ANKRD11: variants seen among roughly 807,000 people sequenced by gnomAD.
The protein encoded by ANKRD11 is ankyrin repeat domain-containing protein 11.
Under a neutral mutation model 195.7 loss-of-function variants are expected in ANKRD11, and 17 were observed. The observed-to-expected ratio is 0.09, with a 90% CI of 0.06 to 0.13. ANKRD11 has a LOEUF of 0.13. ANKRD11 is among the 10% of genes least tolerant of loss of function. ANKRD11 has a pLI of 1.00. For missense variants in ANKRD11, 3,735 were observed against 3,566.1 expected, an observed-to-expected ratio of 1.05 and a Z score of -1.21; for synonymous variants, 1,953 against 1,528.1, an observed-to-expected ratio of 1.28 and a Z score of -6.49.
chr16:89,391,177 G>A (rs1047619636), intron 2 of ANKRD11, among the ~76,000 whole-genome samples: 21 of 149,526 alleles, frequency 1.4e-4, no homozygotes, highest in African/African-American at 4.5e-4. Context: ...GCAGTGAGCC[G>A]AGATCGCGCC....
At chr16:89,469,171 C>A (rs1179491957) in intron 1 of ANKRD11, among the ~76,000 whole-genome samples, 1 of 151,482 alleles carries the variant, frequency 6.6e-6, no homozygotes, top group Non-Finnish European at 1.5e-5. Flanking sequence ...CAGGGCGAGG[C>A]TCTGTTTCAA....
intron 11 of ANKRD11, 48 bp downstream of exon 11, chr16:89,274,766 G>T: frequency 1.2e-6 from 2 of 1,602,556 alleles, no homozygotes; most frequent in Non-Finnish European, 1.7e-6. Flanking sequence ...GAGGCGGGCA[G>T]GGTGCAGGCA....
intron 11 of ANKRD11, chr16:89,271,322 C>CCA (rs2033136517): frequency 3.3e-6 from 1 of 300,876 alleles, no homozygotes; most frequent in Non-Finnish European, 6.5e-6. Flanking sequence ...ACCGCAGCCT[C>CCA]CACCTCCAGG....
chr16:89,418,342 G>C lies in ANKRD11; in HGVS notation c.-118C>G. The C allele has an allele frequency of 2.2e-6, 1 of 453,916 alleles. No individual in the cohort carries two copies. Among genetic ancestry groups the C allele is most frequent in the Non-Finnish European group, 4.4e-6 (1 of 226,632 alleles). The allele number at this position is 453,916 out of a possible 1,614,324, so 28.1% of individuals were successfully genotyped here. On this transcript the variant is annotated 5_prime_UTR_variant, in exon 2 of 13. Coordinates refer to ENST00000301030, the MANE Select transcript of ANKRD11 (RefSeq NM_013275.6). ...ACTGTCTTTTAAATCCAATGGAGGT[G>C]TGTCCCAGAGCAGGGCTGTATATAT...
chr16:89,423,945 G>A (rs373213963), intron 1 of ANKRD11, among the ~76,000 whole-genome samples: 1 of 152,108 alleles, frequency 6.6e-6, no homozygotes, highest in African/African-American at 2.4e-5. Flanking sequence ...GCGGGTAAGA[G>A]GACAGGGTAC....
intron 1 of ANKRD11, among the ~76,000 whole-genome samples, chr16:89,435,372 C>G (rs926696451): frequency 3.3e-5 from 5 of 152,310 alleles, no homozygotes; most frequent in Non-Finnish European, 2.9e-5. Flanking sequence ...CAGCAGCAAC[C>G]CACTGGGGTC....
At chr16:89,356,970 T>C (rs1476872628) in intron 2 of ANKRD11, among the ~76,000 whole-genome samples, 1 of 152,164 alleles carries the variant, frequency 6.6e-6, no homozygotes, top group African/African-American at 2.4e-5. Context: ...TGTGACCATC[T>C]TGGAGGGGTT....
At position 89,461,228 on chromosome 16, in the gene ANKRD11, T is replaced by C. The variant is rs566931011; in HGVS notation, c.-145+29017A>G. On this transcript the variant is annotated intron_variant, in intron 1 of 12. Coordinates refer to ENST00000301030, the MANE Select transcript of ANKRD11 (RefSeq NM_013275.6). ...GAGGTGCCTTGAGTGGTGACATTCA[T>C]AAGAGAAAGCAGATTGGTGGTCAGG... Among the ~76,000 whole-genome samples the C allele has an allele frequency of 2.3e-5, 3 of 128,476 alleles. No homozygotes were observed. In the East Asian group the frequency reaches 7.8e-4, roughly 33 times the overall value. The allele number at this position is 128,476 out of a possible 152,430, so 84.3% of individuals were successfully genotyped here.
intron 2 of ANKRD11, among the ~76,000 whole-genome samples, chr16:89,354,711 G>A (rs958088105): frequency 1.4e-4 from 21 of 152,284 alleles, no homozygotes; most frequent in Non-Finnish European, 2.4e-4. Context: ...GTGAAACCAC[G>A]TCTCTACTAA....
In ANKRD11 at chr16:89,284,050, A is replaced by G; in HGVS notation, c.2492T>C (p.Phe831Ser). ...ATCTCGCTGATCGTCAGAAAGGCTA[A>G]ATTTGGTGTCTTCATTCTCCAGAAA... ...NQFLENEDTKFSLSDDQRDRW... is the reference protein window; with the variant it reads ...NQFLENEDTKSSLSDDQRDRW... The change falls in exon 9 of 13, where the codon TTT becomes TCT. Residue 831 changes from phenylalanine (F) to serine (S), a missense_variant. Transcript: ENST00000301030. 6.2e-7 allele frequency: 1 copy of G among 1,614,136 alleles called. No individual in the cohort carries two copies. Among genetic ancestry groups the G allele is most frequent in the Non-Finnish European group, 8.5e-7 (1 of 1,180,026 alleles).
chr16:89,487,755 C>A (rs2057668821), intron 1 of ANKRD11, among the ~76,000 whole-genome samples: 1 of 152,086 alleles, frequency 6.6e-6, no homozygotes. Context: ...GCCTGGGCGA[C>A]AGAGCGAGAC....
intron 2 of ANKRD11, among the ~76,000 whole-genome samples, chr16:89,417,126 T>C (rs1185157665): frequency 6.6e-6 from 1 of 152,122 alleles, no homozygotes; most frequent in Non-Finnish European, 1.5e-5. Context: ...CACCTCTATT[T>C]CCAAGGAAAG....
chr16:89,442,677 C>T (rs1052693692), intron 1 of ANKRD11, among the ~76,000 whole-genome samples: 1 of 152,256 alleles, frequency 6.6e-6, no homozygotes, highest in Non-Finnish European at 1.5e-5. Flanking sequence ...CAGGTGCTGA[C>T]ACGGTTAGTC....
chr16:89,422,238 C>T (rs1007829704), intron 1 of ANKRD11: 1 of 152,166 alleles, frequency 6.6e-6, no homozygotes, highest in Admixed American at 6.5e-5. Flanking sequence ...CACTTCCGCA[C>T]AGAAGCTCAA....
At chr16:89,436,414 CA>C (rs35785082) in intron 1 of ANKRD11, among the ~76,000 whole-genome samples, 68,685 of 146,840 alleles carry the variant, frequency 0.47, 16,139 homozygotes, top group Middle Eastern at 0.64. Flanking sequence ...GACTCGGTCT[CA>C]AAAAAAAAAA....
intron 1 of ANKRD11, among the ~76,000 whole-genome samples, chr16:89,428,080 C>G: frequency 6.8e-6 from 1 of 147,088 alleles, no homozygotes; most frequent in Non-Finnish European, 1.5e-5. Context: ...TGGTGGCGCG[C>G]GCCTGTAATC....
intron 4 of ANKRD11, among the ~76,000 whole-genome samples, chr16:89,293,808 T>G (rs1597496496): frequency 6.6e-6 from 1 of 151,982 alleles, no homozygotes; most frequent in Non-Finnish European, 1.5e-5. Context: ...CATCCCGAAG[T>G]GCAGGCGTTG....
chr16:89,392,106 C>G lies in ANKRD11; in HGVS notation c.-60+26178G>C, dbSNP rs560130283. ...CGGGACAAATACAGAATGTGAGGTC[C>G]CGTTCCAGCCAATGGAAACCGGACA... On this transcript the variant is annotated intron_variant, in intron 2 of 12. Transcript: ENST00000301030. Among the ~76,000 whole-genome samples, 20 of 152,232 alleles carry G rather than the reference C, an allele frequency of 1.3e-4. No homozygotes were observed. The East Asian group carries it at 3.9e-3, about 29-fold the overall frequency.
intron 4 of ANKRD11, among the ~76,000 whole-genome samples, chr16:89,292,556 A>G (rs919801641): frequency 2.7e-4 from 41 of 151,944 alleles, no homozygotes; most frequent in Non-Finnish European, 4.7e-4. Context: ...CGTATGTCCT[A>G]TGGGACAAGC....
Sources: gnomAD v4.1 joint callset for allele counts (sites outside exome capture counted in the v4.1 genomes callset) on GRCh38, gnomAD v4.1.1 for gene constraint, MANE v1.5 for transcripts, NCBI Gene and HGNC (gene_info 2026-07-23, HGNC 2026-07-21) for gene names.